The following ASH2L variants were observed in gnomAD, a reference collection of about 807,000 sequenced individuals.
The protein encoded by ASH2L is ASH2 like, histone lysine methyltransferase complex subunit.
A neutral mutation model predicts 81.1 loss-of-function variants in ASH2L; 30 were observed. The ratio of observed to expected loss-of-function variants is 0.37; its 90% CI spans 0.28 to 0.50. ASH2L has a LOEUF of 0.50. Among genes scored for constraint, ASH2L ranks in the 20% least tolerant of loss-of-function variants. The pLI is 0.95. For missense variants in ASH2L, 559 were observed against 792.1 expected (o/e 0.71, Z 3.53); for synonymous variants, 273 against 279.9 (o/e 0.98, Z 0.24).
chr8:38,131,809 T>C (rs998975011), intron 12 of ASH2L, among the ~76,000 whole-genome samples: 5 of 152,020 alleles, frequency 3.3e-5, no homozygotes, highest in African/African-American at 9.7e-5. Context: ...ATGTTACCAT[T>C]TGTATGGCTT....
intron 5 of ASH2L, among the ~76,000 whole-genome samples, chr8:38,111,299 C>T (rs1810670347): frequency 6.6e-6 from 1 of 152,114 alleles, no homozygotes; most frequent in South Asian, 2.1e-4. Flanking sequence ...TCATGGCTCA[C>T]TGCAGCCTTG....
chr8:38,109,262 T>C (rs1810583220), intron 3 of ASH2L, among the ~76,000 whole-genome samples: 1 of 152,190 alleles, frequency 6.6e-6, no homozygotes, highest in African/African-American at 2.4e-5. Flanking sequence ...AATAAGCTTA[T>C]CACAATAGTC....
intron 10 of ASH2L, among the ~76,000 whole-genome samples, chr8:38,126,670 C>T (rs1275741749): frequency 1.3e-5 from 2 of 151,232 alleles, no homozygotes; most frequent in Admixed American, 6.6e-5. Context: ...CTGGCTAACA[C>T]GGTGAAACCC....
chr8:38,125,635 T>G (rs1399552014), intron 10 of ASH2L, among the ~76,000 whole-genome samples: 4 of 152,088 alleles, frequency 2.6e-5, no homozygotes, highest in Non-Finnish European at 5.9e-5. Context: ...GCAGATATTT[T>G]CTTTTATAAC....
chr8:38,120,663 G>C (rs1811108598), intron 9 of ASH2L, among the ~76,000 whole-genome samples: 1 of 109,446 alleles, frequency 9.1e-6, no homozygotes, highest in Non-Finnish European at 1.7e-5. Context: ...CAGTTTCATA[G>C]ACATCAATTC....
At chr8:38,127,744 A>G (rs1262728791) in intron 10 of ASH2L, among the ~76,000 whole-genome samples, 2 of 144,438 alleles carry the variant, frequency 1.4e-5, no homozygotes, top group Non-Finnish European at 3.0e-5. Flanking sequence ...CTCTGTCTCA[A>G]AAAAAAAAAA....
chr8:38,126,671 G>A (rs995978138), intron 10 of ASH2L, among the ~76,000 whole-genome samples: 1 of 151,456 alleles, frequency 6.6e-6, no homozygotes, highest in South Asian at 2.1e-4. Flanking sequence ...TGGCTAACAC[G>A]GTGAAACCCT....
In ASH2L at chr8:38,128,371, G is replaced by A. The variant is rs759088902; in HGVS notation, c.1246G>A (p.Val416Ile). The A allele has an allele frequency of 1.2e-6, 2 of 1,614,044 alleles. No homozygotes were observed. Among genetic ancestry groups the A allele is most frequent in the African/African-American group, 1.3e-5 (1 of 74,928 alleles). The change falls in exon 11 of 16, where the codon GTA (valine) becomes ATA (isoleucine). Residue 416 changes from valine to isoleucine, a missense_variant. By Grantham distance (29) the Val-to-Ile change is conservative. This residue lies in a region of ASH2L where 318 missense variants were observed against 527.0 expected (regional missense o/e 0.60). Coordinates refer to ENST00000343823, the MANE Select transcript of ASH2L (RefSeq NM_004674.5). ...CTCTATGGTGAGGGCCTCTCATGGA[G>A]TACGGAAAGGTGCCTGGTATTTTGA... is the stretch of plus-strand genomic sequence containing the variant. ...GYSMVRASHG[V>I]RKGAWYFEIT...
At chr8:38,108,076 T>G (rs1300712501) in intron 3 of ASH2L, among the ~76,000 whole-genome samples, 1 of 152,180 alleles carries the variant, frequency 6.6e-6, no homozygotes, top group East Asian at 1.9e-4. Context: ...TTGGGATTAC[T>G]GGCATGAGCC....
In ASH2L at chr8:38,119,122, T is replaced by C; in HGVS notation, c.854-148T>C. On this transcript the variant is annotated intron_variant, in intron 8 of 15. Transcript: ENST00000343823. ...GATGCTCAGTAGATTCTTTGAAAAC[T>C]AGGGTGAAATCCAATATGCCTTTGG... The C allele has an allele frequency of 8.8e-6, 6 of 685,182 alleles. No homozygotes were observed. In the Middle Eastern group the frequency reaches 1.1e-3, roughly 127 times the overall value. The allele number at this position is 685,182 out of a possible 1,614,324, so 42.4% of individuals were successfully genotyped here.
intron 10 of ASH2L, chr8:38,122,226 G>A (rs1030583955): frequency 3.9e-5 from 6 of 151,934 alleles, no homozygotes; most frequent in African/African-American, 1.5e-4. Flanking sequence ...TCGATAAGCC[G>A]TGTCTTTTTT....
In ASH2L at chr8:38,135,717, T is replaced by C; in HGVS notation, c.1670T>C (p.Ile557Thr). ...GVNQGVAYKD[I>T]FEGVYFPAIS... ...AATCAAGGTGTGGCTTACAAAGATATTTTTGAGGGGGTTTACTTCCCAGCC... is the reference window on the plus strand; with the variant it reads ...AATCAAGGTGTGGCTTACAAAGATACTTTTGAGGGGGTTTACTTCCCAGCC... Residue 557 changes from isoleucine to threonine, a missense_variant, in exon 14 of 16, where the codon ATT (isoleucine) becomes ACT (threonine). Physicochemically the swap from Ile to Thr is moderately conservative, Grantham distance 89. Around this residue, in one of 4 missense-constraint regions of ASH2L, gnomAD observed 95 missense variants for 130.7 expected, o/e 0.73. Transcript: ENST00000343823. 1 of 1,613,182 alleles carries C rather than the reference T, an allele frequency of 6.2e-7. No homozygotes were observed. The highest frequency in any genetic ancestry group is 8.5e-7 in the Non-Finnish European group (1 of 1,179,572).
intron 1 of ASH2L, 35 bp from the exon 2 acceptor site, chr8:38,106,343 A>C (rs1196610100): frequency 3.1e-6 from 5 of 1,603,886 alleles, no homozygotes; most frequent in East Asian, 4.5e-5. Flanking sequence ...GTTTGTCTTG[A>C]GAATTCTTAC....
In ASH2L at chr8:38,114,891, C is replaced by T. The variant is rs369481935; in HGVS notation, c.682-14C>T. 14 of 1,519,348 alleles carry T rather than the reference C, an allele frequency of 9.2e-6. No individual in the cohort carries two copies. The highest frequency in any genetic ancestry group is 1.3e-5 in the Non-Finnish European group (14 of 1,095,286). The allele number at this position is 1,519,348 out of a possible 1,614,324, so 94.1% of individuals were successfully genotyped here. On this transcript the variant is annotated splice_polypyrimidine_tract_variant and intron_variant, in intron 6 of 15. Transcript: ENST00000343823. ...TAAAATGTTCATTAATAGTAAAACACTACTTCTTTTTAGAGTAAAGAAAGA... is the reference window on the plus strand; with the variant it reads ...TAAAATGTTCATTAATAGTAAAACATTACTTCTTTTTAGAGTAAAGAAAGA...
chr8:38,106,228 A>G, intron 1 of ASH2L, 150 bp from the exon 2 acceptor site: 1 of 1,391,414 alleles, frequency 7.2e-7, no homozygotes, highest in African/African-American at 1.4e-5. Flanking sequence ...GTATCCTGAC[A>G]GTACCTTGGG....
intron 8 of ASH2L, 149 bp from the exon 9 acceptor site, chr8:38,119,121 C>T (rs1017884197): frequency 1.5e-6 from 1 of 682,016 alleles, no homozygotes; most frequent in African/African-American, 1.9e-5. Context: ...TCTTTGAAAA[C>T]TAGGGTGAAA....
At chr8:38,126,514 G>T (rs1269722107) in intron 10 of ASH2L, among the ~76,000 whole-genome samples, 2 of 152,062 alleles carry the variant, frequency 1.3e-5, no homozygotes, top group African/African-American at 4.8e-5. Flanking sequence ...TGAACATTTG[G>T]GAAAACTGAG....
intron 3 of ASH2L, among the ~76,000 whole-genome samples, chr8:38,107,426 A>G (rs368308858): frequency 6.6e-6 from 1 of 152,172 alleles, no homozygotes; most frequent in Non-Finnish European, 1.5e-5. Context: ...GACAAAAAAA[A>G]ATGCAATTAC....
intron 3 of ASH2L, among the ~76,000 whole-genome samples, chr8:38,110,130 G>A (rs576051152): frequency 6.6e-6 from 1 of 152,264 alleles, no homozygotes; most frequent in South Asian, 2.1e-4. Context: ...GCAGCATGGC[G>A]AAACCCTGAC....
Sources: allele counts gnomAD v4.1 joint callset (sites outside exome capture counted in the v4.1 genomes callset), GRCh38; gene constraint gnomAD v4.1.1; regional missense constraint gnomAD v4.1.1; transcripts MANE v1.5; gene names NCBI Gene and HGNC (gene_info 2026-07-23, HGNC 2026-07-21).